LGALS12: variants seen among roughly 807,000 people sequenced by gnomAD.
LGALS12 encodes the protein galectin-12.
Under a neutral mutation model 36.8 loss-of-function variants are expected in LGALS12, and 36 were observed. The observed-to-expected ratio is 0.98, with a 90% CI of 0.75 to 1.29. The LOEUF is 1.29. Among genes scored for constraint, LGALS12 ranks in the 50% most tolerant of loss-of-function variants. The pLI, the probability that LGALS12 is intolerant of heterozygous loss-of-function variation, is 0.00. For missense variants in LGALS12, 366 were observed against 394.3 expected (o/e 0.93, Z 0.61); for synonymous variants, 145 against 155.9 (o/e 0.93, Z 0.52).
In LGALS12 at chr11:63,506,164, G is replaced by C. The variant is rs180806910; in HGVS notation, c.-295G>C. 0.014 allele frequency: 7,361 copies of C among 541,028 alleles called. 86 individuals are homozygous for C. Among genetic ancestry groups the C allele is most frequent in the Middle Eastern group, 0.032 (64 of 1,996 alleles). 33.5% of individuals were successfully genotyped at this position (541,028 alleles called of 1,614,324 possible). ...ATGTGCTGCAGACCCGGAGTGGGTA[G>C]TTAGTTGGTTAATGCCAGTCTTCCT... On this transcript the variant is annotated 5_prime_UTR_variant, in exon 1 of 9. Transcript: ENST00000394618.
Position 63,506,179 on chromosome 11 carries a change from C to T in LGALS12, c.-280C>T. The T allele has an allele frequency of 3.5e-6, 2 of 565,324 alleles. No homozygotes were observed. The highest frequency in any genetic ancestry group is 6.3e-6 in the Non-Finnish European group (2 of 317,972). 35.0% of individuals were successfully genotyped at this position (565,324 alleles called of 1,614,324 possible). A position where few individuals can be genotyped will look rare whatever the true frequency, so the allele number is the denominator to read the frequency against. On this transcript the variant is annotated 5_prime_UTR_variant, in exon 1 of 9. Coordinates refer to ENST00000394618, the MANE Select transcript of LGALS12 (RefSeq NM_033101.4). ...GGAGTGGGTAGTTAGTTGGTTAATG[C>T]CAGTCTTCCTCCCCTGGACACTGAG...
chr11:63,512,867 T>C (rs981513422), intron 7 of LGALS12, among the ~76,000 whole-genome samples: 3 of 151,794 alleles, frequency 2.0e-5, no homozygotes, highest in Non-Finnish European at 2.9e-5. Flanking sequence ...GCCTGGTACA[T>C]GGTAAGTGTC....
In LGALS12 at chr11:63,515,603, G is replaced by A. The variant is rs761682693; in HGVS notation, c.688G>A (p.Val230Met). 1 of 1,614,248 alleles carries A rather than the reference G, an allele frequency of 6.2e-7. No individual in the cohort carries two copies. Among genetic ancestry groups the A allele is most frequent in the Non-Finnish European group, 8.5e-7 (1 of 1,180,044 alleles). ...GAGGGACCAGGCTGCCCATGCTCCTGTGACACTCAGGGCCTCCTTCGCAGA... is the reference window on the plus strand; with the variant it reads ...GAGGGACCAGGCTGCCCATGCTCCTATGACACTCAGGGCCTCCTTCGCAGA... ...SLRDQAAHAP[V>M]TLRASFADRT... The change falls in exon 8 of 9, where the codon GTG becomes ATG. Residue 230 changes from valine (V) to methionine (M), a missense_variant. Transcript: ENST00000394618.
At chr11:63,513,913 C>A (rs1187434914) in intron 7 of LGALS12, among the ~76,000 whole-genome samples, 2 of 152,134 alleles carry the variant, frequency 1.3e-5, no homozygotes, top group Non-Finnish European at 2.9e-5. Context: ...GCGGGCTGAG[C>A]TGCATGAAGG....
intron 7 of LGALS12, among the ~76,000 whole-genome samples, chr11:63,512,044 C>T (rs920103880): frequency 3.3e-5 from 5 of 152,236 alleles, no homozygotes; most frequent in Non-Finnish European, 7.3e-5. Context: ...GACAGCCCCA[C>T]TGCTGGGAGC....
intron 7 of LGALS12, among the ~76,000 whole-genome samples, chr11:63,512,218 C>A (rs2016946442): frequency 6.6e-6 from 1 of 152,158 alleles, no homozygotes; most frequent in Non-Finnish European, 1.5e-5. Flanking sequence ...CCAGACTGCC[C>A]CAGAGAAGAG....
At chr11:63,513,331 T>A (rs1419729840) in intron 7 of LGALS12, among the ~76,000 whole-genome samples, 2 of 152,136 alleles carry the variant, frequency 1.3e-5, no homozygotes, top group African/African-American at 4.8e-5. Context: ...AGCAAGTAAC[T>A]GCTGTTTCCC....
At position 63,515,656 on chromosome 11, in the gene LGALS12, G is replaced by A; in HGVS notation, c.741G>A (p.Trp247Ter). The A allele has an allele frequency of 1.2e-6, 2 of 1,614,220 alleles. No homozygotes were observed. Among genetic ancestry groups the A allele is most frequent in the Non-Finnish European group, 1.7e-6 (2 of 1,180,036 alleles). The change falls in exon 8 of 9, where the codon TGG becomes TGA. Residue 247 changes from tryptophan to a stop codon, truncating the protein, a stop_gained. Coordinates refer to ENST00000394618, the MANE Select transcript of LGALS12 (RefSeq NM_033101.4). LOFTEE classifies it high-confidence loss of function. ...GAACTCTGGCCTGGATCTCCCGCTG[G>A]GGGCAGAAGAAACTGATCTCAGCCC... ...ADRTLAWISR[W>*]GQKKLISAPF...
Position 63,516,589 on chromosome 11 carries a change from G to C in LGALS12, c.*196G>C. 1.6e-6 allele frequency: 1 copy of C among 625,300 alleles called. No individual in the cohort carries two copies. The highest frequency in any genetic ancestry group is 1.9e-5 in the South Asian group (1 of 51,344). 38.7% of individuals were successfully genotyped at this position (625,300 alleles called of 1,614,324 possible). The stretch of plus-strand genomic sequence containing the variant: ...AGAGTGCAAAGGTTCCTCGAACTCT[G>C]CACCTTCCTCCACCAGGAGCCTGGG... On this transcript the variant is annotated 3_prime_UTR_variant, in exon 9 of 9. Coordinates refer to ENST00000394618, the MANE Select transcript of LGALS12 (RefSeq NM_033101.4).
At position 63,516,362 on chromosome 11, in the gene LGALS12, G is replaced by A. The variant is rs1468024005; in HGVS notation, c.914G>A (p.Gly305Glu). 1.2e-6 allele frequency: 2 copies of A among 1,613,838 alleles called. No individual in the cohort carries two copies. Among genetic ancestry groups the A allele is most frequent in the Non-Finnish European group, 1.7e-6 (2 of 1,180,016 alleles). The change falls in exon 9 of 9, where the codon GGA (glycine) becomes GAA (glutamate). Residue 305 changes from glycine (G) to glutamate (E), a missense_variant. By Grantham distance (98) the Gly-to-Glu change is moderately conservative. Transcript: ENST00000394618. Reference sequence around the variant, plus strand: ...CAGCTGCGGGAGCTCCGGATCAGTGGAAGTGTCCAGCTCTACTGTGTCCAC... The same window carrying A: ...CAGCTGCGGGAGCTCCGGATCAGTGAAAGTGTCCAGCTCTACTGTGTCCAC... ...LEQLRELRISGSVQLYCVHS is the reference protein window; with the variant it reads ...LEQLRELRISESVQLYCVHS
intron 7 of LGALS12, among the ~76,000 whole-genome samples, chr11:63,513,072 G>A (rs541526520): frequency 7.2e-5 from 11 of 152,110 alleles, no homozygotes; most frequent in Non-Finnish European, 1.6e-4. Context: ...CGATGGCCTC[G>A]GCCTCCAAAG....
Position 63,508,973 on chromosome 11 carries a change from C to A in LGALS12, c.354C>A (p.Phe118Leu), listed in dbSNP as rs1421902869. Reference protein sequence around the residue: ...RGSSFLILFLFGNEEVKVSVN... With the variant: ...RGSSFLILFLLGNEEVKVSVN... ...CCAGCTTCCTCATCCTCTTTCTCTT[C>A]GGGAATGAGGAAGTGAAGGTGAAGG... is the stretch of plus-strand genomic sequence containing the variant. The change falls in exon 3 of 9, where the codon TTC (phenylalanine) becomes TTA (leucine). Residue 118 changes from phenylalanine to leucine, a missense_variant. Physicochemically the swap from Phe to Leu is conservative, Grantham distance 22. Coordinates refer to ENST00000394618, the MANE Select transcript of LGALS12 (RefSeq NM_033101.4). The A allele has an allele frequency of 5.0e-6, 8 of 1,613,600 alleles. No homozygotes were observed. Among genetic ancestry groups the A allele is most frequent in the Non-Finnish European group, 6.8e-6 (8 of 1,179,590 alleles).
chr11:63,506,222 GC>G lies in LGALS12; in HGVS notation c.-234del. ...ACACTGAGTTCTGCTGACAGCCCCC[GC>G]CCAGCCAGAGCTCTGCTGTATACCA... On this transcript the variant is annotated 5_prime_UTR_variant, in exon 1 of 9. It removes the in-frame stop codon of an upstream open reading frame in the 5' UTR. Coordinates refer to ENST00000394618, the MANE Select transcript of LGALS12 (RefSeq NM_033101.4). 1 of 668,124 alleles carries G rather than the reference GC, an allele frequency of 1.5e-6. No individual in the cohort carries two copies. The highest frequency in any genetic ancestry group is 2.5e-6 in the Non-Finnish European group (1 of 401,578). The allele number at this position is 668,124 out of a possible 1,614,324, so 41.4% of individuals were successfully genotyped here.
intron 7 of LGALS12, among the ~76,000 whole-genome samples, chr11:63,513,808 A>G (rs1233733711): frequency 1.3e-5 from 2 of 152,046 alleles, no homozygotes; most frequent in Non-Finnish European, 2.9e-5. Flanking sequence ...TGCAGCCTCA[A>G]AGAGCTTCAA....
chr11:63,508,052 C>A, intron 1 of LGALS12: 1 of 999,560 alleles, frequency 1.0e-6, no homozygotes, highest in Non-Finnish European at 1.2e-6. Context: ...GTAACTTCTA[C>A]ATGGGGAAAG....
At chr11:63,516,146 C>T (rs908420375) in intron 8 of LGALS12, 101 bp from the exon 9 acceptor site, 14 of 1,431,342 alleles carry the variant, frequency 9.8e-6, no homozygotes, top group Admixed American at 4.7e-5. Context: ...GTCCAGTCTT[C>T]GTGTCCTATG....
chr11:63,514,006 G>C (rs998549195), intron 7 of LGALS12, among the ~76,000 whole-genome samples: 3 of 152,188 alleles, frequency 2.0e-5, no homozygotes, highest in Non-Finnish European at 4.4e-5. Flanking sequence ...GGACGGGGTA[G>C]GGGGAGCCAT....
chr11:63,508,604 G>T lies in LGALS12; in HGVS notation c.121G>T (p.Val41Phe). 5 of 1,614,146 alleles carry T rather than the reference G, an allele frequency of 3.1e-6. No homozygotes were observed. The South Asian group carries it at 3.3e-5, about 11-fold the overall frequency. The stretch of plus-strand genomic sequence containing the variant: ...TGGAGGCCTGCATGCAGGCAAGATG[G>T]TCATGCTGCAAGGAGTGGTCCCTCT... The part of the protein sequence containing the change: ...IFGGLHAGKM[V>F]MLQGVVPLDA... The change falls in exon 2 of 9, where the codon GTC becomes TTC. Residue 41 changes from valine to phenylalanine, a missense_variant. Physicochemically the swap from Val to Phe is conservative, Grantham distance 50. Transcript: ENST00000394618.
At chr11:63,511,445 C>T (rs756834861) in intron 6 of LGALS12, among the ~76,000 whole-genome samples, 3 of 152,184 alleles carry the variant, frequency 2.0e-5, no homozygotes, top group Non-Finnish European at 2.9e-5. Context: ...TGGTCCCAGC[C>T]GTCCAGTTGC....
Sources: gnomAD v4.1 joint callset for allele counts (sites outside exome capture counted in the v4.1 genomes callset) on GRCh38, gnomAD v4.1.1 for gene constraint, MANE v1.5 for transcripts, NCBI Gene and HGNC (gene_info 2026-07-23, HGNC 2026-07-21) for gene names.